ATF6: variants seen among roughly 807,000 people sequenced by gnomAD.
ATF6 encodes the protein cyclic AMP-dependent transcription factor ATF-6 alpha.
In ATF6, 53 loss-of-function variants were observed where a neutral mutation model predicts 83.6. The ratio of observed to expected loss-of-function variants is 0.63; its 90% CI spans 0.51 to 0.80. The LOEUF is 0.80. Ranked by LOEUF, ATF6 falls within the 30% of genes least tolerant of loss-of-function variation. The pLI is 0.00. For missense variants in ATF6, 744 were observed against 797.9 expected, an observed-to-expected ratio of 0.93 and a Z score of 0.81; for synonymous variants, 288 against 285.8, an observed-to-expected ratio of 1.01 and a Z score of -0.08.
intron 9 of ATF6, among the ~76,000 whole-genome samples, chr1:161,824,453 C>A (rs192538666): frequency 8.7e-4 from 131 of 150,712 alleles, no homozygotes; most frequent in African/African-American, 3.0e-3. Context: ...TTCTAAATGT[C>A]TATCCCAGCT....
intron 10 of ATF6, among the ~76,000 whole-genome samples, chr1:161,849,236 T>G (rs935146890): frequency 3.9e-5 from 6 of 152,196 alleles, no homozygotes; most frequent in African/African-American, 1.4e-4. Flanking sequence ...TTTAGGCTGA[T>G]CCTTTTGTGT....
At chr1:161,862,423 C>G (rs1686904699) in intron 13 of ATF6, among the ~76,000 whole-genome samples, 1 of 152,092 alleles carries the variant, frequency 6.6e-6, no homozygotes, top group Non-Finnish European at 1.5e-5. Flanking sequence ...CTAGAAAATC[C>G]TGAACACATT....
intron 14 of ATF6, among the ~76,000 whole-genome samples, chr1:161,874,861 A>G (rs892719970): frequency 1.1e-4 from 17 of 151,774 alleles, no homozygotes; most frequent in Admixed American, 3.9e-4. Flanking sequence ...TGATGTATGT[A>G]GGTATGTTTG....
At chr1:161,907,242 C>G (rs1687894039) in intron 14 of ATF6, among the ~76,000 whole-genome samples, 1 of 152,160 alleles carries the variant, frequency 6.6e-6, no homozygotes, top group South Asian at 2.1e-4. Context: ...TCTTTGACAG[C>G]TTGAAAGTTA....
intron 9 of ATF6, among the ~76,000 whole-genome samples, chr1:161,829,608 G>A (rs1685997000): frequency 6.6e-6 from 1 of 152,100 alleles, no homozygotes; most frequent in Non-Finnish European, 1.5e-5. Flanking sequence ...TATCCACCAT[G>A]ATCAAGTGGG....
At chr1:161,775,084 GC>G (rs1040367963) in intron 1 of ATF6, among the ~76,000 whole-genome samples, 2 of 152,090 alleles carry the variant, frequency 1.3e-5, no homozygotes, top group African/African-American at 4.8e-5. Flanking sequence ...AAGAACAAAG[GC>G]CCCAATATGA....
intron 15 of ATF6, among the ~76,000 whole-genome samples, chr1:161,925,640 A>T (rs1688298192): frequency 6.6e-6 from 1 of 152,212 alleles, no homozygotes; most frequent in Admixed American, 6.5e-5. Context: ...TCTTAAGGTT[A>T]GGACCTTATT....
At chr1:161,824,366 CAA>C (rs1345572633) in intron 9 of ATF6, among the ~76,000 whole-genome samples, 1 of 138,416 alleles carries the variant, frequency 7.2e-6, no homozygotes. Context: ...TAAAAAACAT[CAA>C]GTTTTTTTGG....
intron 9 of ATF6, among the ~76,000 whole-genome samples, chr1:161,836,473 G>GT (rs1274484748): frequency 3.3e-5 from 5 of 152,326 alleles, no homozygotes; most frequent in Admixed American, 2.6e-4. Flanking sequence ...GAAATACAAT[G>GT]TATCTGAGTA....
At chr1:161,891,727 T>C (rs1343979084) in intron 14 of ATF6, 1 of 152,210 alleles carries the variant, frequency 6.6e-6, no homozygotes, top group Non-Finnish European at 1.5e-5. Context: ...CGGAGCTGTT[T>C]AGGCACCTAG....
intron 9 of ATF6, among the ~76,000 whole-genome samples, chr1:161,844,085 G>A (rs907050091): frequency 6.6e-6 from 1 of 152,206 alleles, no homozygotes; most frequent in Non-Finnish European, 1.5e-5. Flanking sequence ...ATAACTGCCA[G>A]GAAAGCCTAT....
chr1:161,863,399 A>G, intron 14 of ATF6, 87 bp downstream of exon 14: 3 of 863,094 alleles, frequency 3.5e-6, no homozygotes, highest in Non-Finnish European at 5.8e-6. Flanking sequence ...GAAAATACAA[A>G]GATGTGAGAA....
At chr1:161,944,443 T>C (rs1329276126) in intron 15 of ATF6, among the ~76,000 whole-genome samples, 1 of 152,210 alleles carries the variant, frequency 6.6e-6, no homozygotes, top group Non-Finnish European at 1.5e-5. Flanking sequence ...ATCTCATGGA[T>C]GAATGAAATG....
intron 7 of ATF6, among the ~76,000 whole-genome samples, chr1:161,802,944 T>C (rs1685191765): frequency 6.6e-6 from 1 of 152,212 alleles, no homozygotes; most frequent in African/African-American, 2.4e-5. Flanking sequence ...GGAAATAACT[T>C]ATGTATTAAA....
At chr1:161,856,622 A>G (rs1686769781) in intron 12 of ATF6, among the ~76,000 whole-genome samples, 1 of 152,220 alleles carries the variant, frequency 6.6e-6, no homozygotes. Context: ...ACAGAGGAAG[A>G]GCACAGGAGT....
intron 1 of ATF6, among the ~76,000 whole-genome samples, chr1:161,774,882 T>C (rs1684478792): frequency 6.6e-6 from 1 of 152,224 alleles, no homozygotes; most frequent in South Asian, 2.1e-4. Flanking sequence ...AACAGTTCTT[T>C]AGTCTTTTCC....
At chr1:161,915,783 CA>C (rs573733245) in intron 15 of ATF6, among the ~76,000 whole-genome samples, 8 of 151,998 alleles carry the variant, frequency 5.3e-5, no homozygotes, top group Non-Finnish European at 1.2e-4. Context: ...ATTCCACTCC[CA>C]GCTAATTTTT....
intron 6 of ATF6, 100 bp from the exon 7 acceptor site, chr1:161,801,952 A>T: frequency 2.9e-6 from 3 of 1,029,406 alleles, no homozygotes; most frequent in Admixed American, 2.0e-5. Flanking sequence ...CTTGGTGTTG[A>T]TCTTACCCAT....
In ATF6 at chr1:161,935,126, A is replaced by T. The variant is rs114836668; in HGVS notation, c.1804+22746A>T. Among the ~76,000 whole-genome samples the T allele has an allele frequency of 2.6e-3, 397 of 152,356 alleles. 1 individual carries two copies. The highest frequency in any genetic ancestry group is 8.9e-3 in the African/African-American group (372 of 41,590). The stretch of plus-strand genomic sequence containing the variant: ...GAATATTTTTTATTCCATGTTGTTA[A>T]TAAGAATGCCCTAATCCTCTTTACA... On this transcript the variant is annotated intron_variant, in intron 15 of 15. Coordinates refer to ENST00000367942, the MANE Select transcript of ATF6 (RefSeq NM_007348.4).
Sources: gnomAD v4.1 joint callset for allele counts (sites outside exome capture counted in the v4.1 genomes callset) on GRCh38, gnomAD v4.1.1 for gene constraint, MANE v1.5 for transcripts, NCBI Gene and HGNC (gene_info 2026-07-23, HGNC 2026-07-21) for gene names.